The following EBF1 variants were observed in gnomAD, a reference collection of about 807,000 sequenced individuals.
EBF1 encodes the protein EBF transcription factor 1.
EBF1 carries 10 observed loss-of-function variants against 68.4 expected under a neutral mutation model. That is an observed-to-expected ratio of 0.15 (90% CI 0.09 to 0.25). The LOEUF (loss-of-function observed/expected upper bound fraction) is 0.25. Ranked by LOEUF, EBF1 falls within the 10% of genes least tolerant of loss-of-function variation. The probability of loss-of-function intolerance (pLI) is 1.00; values close to 1 mark genes in which losing one functional copy is unlikely to be tolerated. For synonymous variants in EBF1, 298 were observed against 299.8 expected (o/e 0.99, Z 0.06); for missense variants, 509 against 794.4 (o/e 0.64, Z 4.32).
chr5:158,858,070 G>A (rs752855664), intron 6 of EBF1, among the ~76,000 whole-genome samples: 4 of 152,094 alleles, frequency 2.6e-5, no homozygotes, highest in Non-Finnish European at 4.4e-5. Flanking sequence ...CATAAAAGGT[G>A]CACCATAAGG....
intron 6 of EBF1, among the ~76,000 whole-genome samples, chr5:158,859,257 G>T (rs1028854365): frequency 6.6e-6 from 1 of 152,120 alleles, no homozygotes; most frequent in Non-Finnish European, 1.5e-5. Flanking sequence ...TGGAAAATCA[G>T]AGCTCTCTCT....
At chr5:158,881,608 A>G (rs966131509) in intron 6 of EBF1, among the ~76,000 whole-genome samples, 9 of 152,312 alleles carry the variant, frequency 5.9e-5, no homozygotes, top group Admixed American at 2.6e-4. Context: ...ACCAGATTCT[A>G]TATTCCCAGC....
chr5:158,997,027 C>A (rs567160881), intron 6 of EBF1, among the ~76,000 whole-genome samples: 1 of 152,264 alleles, frequency 6.6e-6, no homozygotes, highest in South Asian at 2.1e-4. Context: ...AGGATCAGAA[C>A]ACAGCACACG....
In EBF1 at chr5:158,838,121, C is replaced by A. The variant is rs371160852; in HGVS notation, c.636+1908G>T. Among the ~76,000 whole-genome samples, 6 of 151,922 alleles carry A rather than the reference C, an allele frequency of 3.9e-5. No homozygotes were observed. In the South Asian group the frequency reaches 1.0e-3, roughly 26 times the overall value. ...AACACCAAGTTTGAAGTCAGATGAC[C>A]GGAGGAAACATTTTGCAAGAAACTA... On this transcript the variant is annotated intron_variant, in intron 7 of 15. Coordinates refer to ENST00000313708, the MANE Select transcript of EBF1 (RefSeq NM_024007.5).
At chr5:158,758,523 C>G (rs1267438237) in intron 10 of EBF1, among the ~76,000 whole-genome samples, 1 of 152,062 alleles carries the variant, frequency 6.6e-6, no homozygotes, top group African/African-American at 2.4e-5. Context: ...AATGCACCTG[C>G]CCTTTATAAA....
At position 159,099,721 on chromosome 5, in the gene EBF1, C is replaced by G. The variant is rs1157349777; in HGVS notation, c.-243G>C. 1 of 320,336 alleles carries G rather than the reference C, an allele frequency of 3.1e-6. No homozygotes were observed. Among genetic ancestry groups the G allele is most frequent in the Non-Finnish European group, 5.3e-6 (1 of 187,400 alleles). 19.8% of individuals were successfully genotyped at this position (320,336 alleles called of 1,614,324 possible). A position where few individuals can be genotyped will look rare whatever the true frequency, so the allele number is the denominator to read the frequency against. On this transcript the variant is annotated 5_prime_UTR_variant, in exon 1 of 16. Coordinates refer to ENST00000313708, the MANE Select transcript of EBF1 (RefSeq NM_024007.5). The stretch of plus-strand genomic sequence containing the variant: ...AAAAAAGAAGAAAGGGAAAATCCAA[C>G]GAAAAGACCAAAATAATAAAATTAG...
chr5:159,045,028 T>A (rs750300243), intron 6 of EBF1, among the ~76,000 whole-genome samples: 1 of 152,192 alleles, frequency 6.6e-6, no homozygotes, highest in Non-Finnish European at 1.5e-5. Flanking sequence ...ACTGTATAAA[T>A]ATTTGAGTGT....
intron 11 of EBF1, among the ~76,000 whole-genome samples, chr5:158,725,149 C>T (rs1056795450): frequency 2.0e-5 from 3 of 152,160 alleles, no homozygotes; most frequent in Non-Finnish European, 4.4e-5. Flanking sequence ...GGATTTGCTA[C>T]CTCTGTATTT....
chr5:159,047,731 G>A (rs1297378670), intron 6 of EBF1, among the ~76,000 whole-genome samples: 2 of 152,082 alleles, frequency 1.3e-5, no homozygotes, highest in African/African-American at 4.8e-5. Flanking sequence ...TCACACATCA[G>A]CCCCAACCCT....
At chr5:158,880,014 C>T (rs1423950870) in intron 6 of EBF1, among the ~76,000 whole-genome samples, 1 of 152,218 alleles carries the variant, frequency 6.6e-6, no homozygotes, top group Non-Finnish European at 1.5e-5. Context: ...GGTTAAAGGA[C>T]TAGCCCCAAA....
intron 8 of EBF1, among the ~76,000 whole-genome samples, chr5:158,801,432 A>G (rs1780559966): frequency 1.3e-5 from 2 of 152,080 alleles, no homozygotes; most frequent in Non-Finnish European, 2.9e-5. Flanking sequence ...AGCAGCAGGC[A>G]CACATTTTAG....
chr5:158,871,765 T>C (rs1796911203), intron 6 of EBF1, among the ~76,000 whole-genome samples: 1 of 152,192 alleles, frequency 6.6e-6, no homozygotes, highest in Non-Finnish European at 1.5e-5. Context: ...TGACGCACAG[T>C]TCATTCATTG....
At chr5:159,076,372 C>G (rs981848580) in intron 5 of EBF1, among the ~76,000 whole-genome samples, 1 of 152,110 alleles carries the variant, frequency 6.6e-6, no homozygotes, top group South Asian at 2.1e-4. Context: ...CATCCCAACC[C>G]GTAGAACAAA....
chr5:159,067,957 G>A (rs1247129354), intron 6 of EBF1, among the ~76,000 whole-genome samples: 1 of 152,074 alleles, frequency 6.6e-6, no homozygotes, highest in African/African-American at 2.4e-5. Context: ...AGCAGTCAAG[G>A]TTACAAATCA....
Position 158,713,107 on chromosome 5 carries a change from A to G in EBF1, c.1232T>C (p.Leu411Pro), listed in dbSNP as rs779028258. The change falls in exon 13 of 16, where the codon CTG becomes CCG. Residue 411 changes from leucine to proline, a missense_variant. Coordinates refer to ENST00000313708, the MANE Select transcript of EBF1 (RefSeq NM_024007.5). ...LKRAADIAEA[L>P]YSVPRNHNQL... is the part of the protein sequence containing the mutation. Reference sequence around the variant, plus strand: ...GTTGTGGTTGCGGGGAACACTGTACAGGGCCTCGGCAATGTCGGCCGCTCT... The same window carrying G: ...GTTGTGGTTGCGGGGAACACTGTACGGGGCCTCGGCAATGTCGGCCGCTCT... 2 of 1,570,730 alleles carry G rather than the reference A, an allele frequency of 1.3e-6. No homozygotes were observed.
At chr5:158,723,379 G>A (rs779912706) in intron 11 of EBF1, among the ~76,000 whole-genome samples, 3 of 152,118 alleles carry the variant, frequency 2.0e-5, no homozygotes, top group Admixed American at 1.3e-4. Context: ...CATGTTCTGC[G>A]ATGTATTAGC....
At chr5:158,898,586 A>G (rs992061234) in intron 6 of EBF1, among the ~76,000 whole-genome samples, 1 of 152,252 alleles carries the variant, frequency 6.6e-6, no homozygotes, top group African/African-American at 2.4e-5. Context: ...AGAAATATAG[A>G]AAACAATTGT....
intron 10 of EBF1, among the ~76,000 whole-genome samples, chr5:158,748,491 C>T (rs753789469): frequency 2.0e-5 from 3 of 152,160 alleles, no homozygotes; most frequent in African/African-American, 7.2e-5. Flanking sequence ...ATTGAATGCA[C>T]ATATCAGTTA....
intron 6 of EBF1, among the ~76,000 whole-genome samples, chr5:158,875,100 G>A (rs944802447): frequency 4.7e-5 from 7 of 148,178 alleles, no homozygotes; most frequent in Admixed American, 3.3e-4. Context: ...AGGCAGTTTT[G>A]GCCAAATTGT....
Sources: gnomAD v4.1 joint callset for allele counts (sites outside exome capture counted in the v4.1 genomes callset) on GRCh38, gnomAD v4.1.1 for gene constraint, MANE v1.5 for transcripts, NCBI Gene and HGNC (gene_info 2026-07-23, HGNC 2026-07-21) for gene names.